Variants in ZNF831 observed in about 807,000 individuals in gnomAD.
The protein encoded by ZNF831 is chromosome 20 open reading frame 174.
In ZNF831, 59 loss-of-function variants were observed where a neutral mutation model predicts 95.8. The ratio of observed to expected loss-of-function variants is 0.62; its 90% confidence interval spans 0.50 to 0.77. The LOEUF is 0.77. Among genes scored for constraint, ZNF831 ranks in the 30% least tolerant of loss-of-function variants. ZNF831 has a pLI of 0.00. For missense variants in ZNF831, 2,205 were observed against 2,164.0 expected (o/e 1.02, Z -0.38); for synonymous variants, 961 against 925.5 (o/e 1.04, Z -0.70).
chr20:59,157,342 G>A (rs1390241737), intron 2 of ZNF831, among the ~76,000 whole-genome samples: 3 of 152,146 alleles, frequency 2.0e-5, no homozygotes, highest in Non-Finnish European at 4.4e-5. Flanking sequence ...GTGTGGGGGC[G>A]GATCCGTGTG....
At chr20:59,137,146 C>T (rs1979533600) in intron 1 of ZNF831, among the ~76,000 whole-genome samples, 1 of 152,214 alleles carries the variant, frequency 6.6e-6, no homozygotes, top group African/African-American at 2.4e-5. Flanking sequence ...GAAAAATAAA[C>T]ATTCATCTTG....
At chr20:59,144,395 T>C (rs1979773569) in intron 1 of ZNF831, among the ~76,000 whole-genome samples, 3 of 152,184 alleles carry the variant, frequency 2.0e-5, no homozygotes, top group Admixed American at 1.3e-4. Flanking sequence ...TGATCAGTTC[T>C]CTGTGGTGGA....
At position 59,194,605 on chromosome 20, in the gene ZNF831, G is replaced by A. The variant is rs771540309; in HGVS notation, c.3586G>A (p.Ala1196Thr). The change falls in exon 2 of 6, where the codon GCG becomes ACG. Residue 1196 changes from alanine to threonine, a missense_variant. Transcript: ENST00000371030. ...CCLSRSVPLP[A>T]EQKAKAASVY... ...CCTGAGCCGCAGTGTCCCTCTGCCC[G>A]CGGAGCAGAAGGCAAAGGCGGCATC... 32 of 1,612,622 alleles carry A rather than the reference G, an allele frequency of 2.0e-5. No homozygotes were observed. Among genetic ancestry groups the A allele is most frequent in the Middle Eastern group, 3.3e-4 (2 of 6,072 alleles).
At chr20:59,194,818 C>T in intron 2 of ZNF831, 61 bp downstream of exon 2, 8 of 1,485,858 alleles carry the variant, frequency 5.4e-6, no homozygotes, top group Non-Finnish European at 7.1e-6. Flanking sequence ...TCCCGTAAGA[C>T]CTCTCATGAG....
intron 4 of ZNF831, among the ~76,000 whole-genome samples, chr20:59,219,964 T>C (rs1985971042): frequency 6.6e-6 from 1 of 152,044 alleles, no homozygotes; most frequent in African/African-American, 2.4e-5. Context: ...GGTTGAAATA[T>C]GGGCATTTTA....
At chr20:59,251,341 T>C (rs998477731) in intron 4 of ZNF831, among the ~76,000 whole-genome samples, 4 of 152,124 alleles carry the variant, frequency 2.6e-5, no homozygotes, top group Admixed American at 2.0e-4. Context: ...CAAAAAGATT[T>C]CATCCAAAGG....
At chr20:59,176,354 G>C (rs1982158623) in intron 1 of ZNF831, among the ~76,000 whole-genome samples, 1 of 152,200 alleles carries the variant, frequency 6.6e-6, no homozygotes, top group Admixed American at 6.5e-5. Context: ...GGCATGATTT[G>C]GGGATGTGAT....
At chr20:59,148,139 G>A (rs561559341) in intron 2 of ZNF831, among the ~76,000 whole-genome samples, 2 of 152,330 alleles carry the variant, frequency 1.3e-5, no homozygotes, top group African/African-American at 2.4e-5. Context: ...GTTAAGTGCC[G>A]TTGGTCAAGG....
At chr20:59,226,170 C>A (rs1465787) in intron 4 of ZNF831, among the ~76,000 whole-genome samples, 1 of 152,068 alleles carries the variant, frequency 6.6e-6, no homozygotes, top group Admixed American at 6.5e-5. Flanking sequence ...AGTCACCCAG[C>A]TTATATTGAG....
intron 4 of ZNF831, among the ~76,000 whole-genome samples, chr20:59,216,481 G>C (rs992536678): frequency 2.0e-5 from 3 of 152,196 alleles, no homozygotes; most frequent in Non-Finnish European, 4.4e-5. Flanking sequence ...GCAGTGGCGT[G>C]ATCTCGGCTC....
intron 1 of ZNF831, among the ~76,000 whole-genome samples, chr20:59,177,673 C>T (rs1042341686): frequency 6.6e-6 from 1 of 152,244 alleles, no homozygotes; most frequent in South Asian, 2.1e-4. Flanking sequence ...TCTTCCCTCA[C>T]TGGCTGGACG....
chr20:59,123,925 A>G (rs1390716281), intron 1 of ZNF831, among the ~76,000 whole-genome samples: 1 of 152,208 alleles, frequency 6.6e-6, no homozygotes, highest in Admixed American at 6.5e-5. Flanking sequence ...ATTTGAAGTC[A>G]GTGACAGTTG....
intron 4 of ZNF831, among the ~76,000 whole-genome samples, chr20:59,241,206 G>A (rs758945316): frequency 2.6e-5 from 4 of 151,908 alleles, no homozygotes; most frequent in Non-Finnish European, 4.4e-5. Context: ...AGTTACATGC[G>A]ACCTTGAGGT....
intron 2 of ZNF831, among the ~76,000 whole-genome samples, chr20:59,158,189 C>T (rs762355323): frequency 5.9e-5 from 9 of 152,174 alleles, no homozygotes; most frequent in African/African-American, 9.7e-5. Context: ...GAGACTGGCC[C>T]GTGGCGACAG....
intron 2 of ZNF831, among the ~76,000 whole-genome samples, chr20:59,157,710 A>G (rs1230605969): frequency 2.0e-5 from 3 of 152,238 alleles, no homozygotes; most frequent in African/African-American, 7.2e-5. Context: ...ATCTGTGTTT[A>G]AATCTGTTTA....
intron 1 of ZNF831, among the ~76,000 whole-genome samples, chr20:59,183,735 A>T: frequency 6.6e-6 from 1 of 152,236 alleles, no homozygotes. Context: ...CGAAGTTAAT[A>T]GACAATTTTT....
chr20:59,172,333 C>T (rs1438389624), intron 1 of ZNF831, among the ~76,000 whole-genome samples: 2 of 152,222 alleles, frequency 1.3e-5, no homozygotes, highest in Admixed American at 6.5e-5. Context: ...AGTGATGCCA[C>T]TTGGTCCTCT....
intron 3 of ZNF831, among the ~76,000 whole-genome samples, chr20:59,196,554 C>T (rs547949080): frequency 6.6e-6 from 1 of 152,272 alleles, no homozygotes; most frequent in African/African-American, 2.4e-5. Flanking sequence ...TGTCTTTCTC[C>T]TTTGCTTAAA....
At chr20:59,144,356 C>T (rs920325420) in intron 1 of ZNF831, among the ~76,000 whole-genome samples, 3 of 152,058 alleles carry the variant, frequency 2.0e-5, no homozygotes, top group African/African-American at 7.2e-5. Context: ...TGGGATTCCT[C>T]ACCTTCTGCA....
Sources: allele counts gnomAD v4.1 joint callset (sites outside exome capture counted in the v4.1 genomes callset), GRCh38; gene constraint gnomAD v4.1.1; transcripts MANE v1.5; gene names NCBI Gene and HGNC (gene_info 2026-07-23, HGNC 2026-07-21).